Variants in EFCAB5 observed in about 807,000 individuals in gnomAD.
The protein encoded by EFCAB5 is EF-hand calcium-binding domain-containing protein 5.
EFCAB5 carries 131 observed loss-of-function variants against 167.9 expected under a neutral mutation model. The observed-to-expected ratio is 0.78, with a 90% confidence interval of 0.68 to 0.90. The LOEUF is 0.90. Ranked by LOEUF, EFCAB5 falls within the 40% of genes least tolerant of loss-of-function variation. The pLI is 0.00. For synonymous variants in EFCAB5, 574 were observed against 602.8 expected, an observed-to-expected ratio of 0.95 and a Z score of 0.70; for missense variants, 1,663 against 1,745.2, an observed-to-expected ratio of 0.95 and a Z score of 0.84.
chr17:30,063,562 C>T (rs1325330171), intron 14 of EFCAB5, among the ~76,000 whole-genome samples: 1 of 152,162 alleles, frequency 6.6e-6, no homozygotes, highest in Non-Finnish European at 1.5e-5. Flanking sequence ...CAGATCCTGT[C>T]TCTATGGGCA....
chr17:30,025,877 G>A (rs1227610852), intron 7 of EFCAB5, among the ~76,000 whole-genome samples: 3 of 152,084 alleles, frequency 2.0e-5, no homozygotes, highest in Non-Finnish European at 2.9e-5. Flanking sequence ...TAGGGACATG[G>A]ATGAAATTGG....
chr17:30,102,785 G>T (rs979001496), intron 22 of EFCAB5, among the ~76,000 whole-genome samples: 2 of 151,954 alleles, frequency 1.3e-5, no homozygotes, highest in African/African-American at 4.8e-5. Flanking sequence ...TTGAAAGACA[G>T]AAAGAAAGAA....
intron 4 of EFCAB5, among the ~76,000 whole-genome samples, chr17:29,992,505 AC>A (rs780704631): frequency 7.2e-5 from 11 of 151,866 alleles, no homozygotes; most frequent in Non-Finnish European, 1.3e-4. Flanking sequence ...ATGCCACCAC[AC>A]CCGGCTAATT....
At chr17:29,986,213 A>G (rs2068278760) in intron 4 of EFCAB5, among the ~76,000 whole-genome samples, 1 of 152,104 alleles carries the variant, frequency 6.6e-6, no homozygotes, top group African/African-American at 2.4e-5. Context: ...GTCCTTCTAG[A>G]CGTTTTTTAT....
At chr17:29,986,205 C>A (rs1009874075) in intron 4 of EFCAB5, among the ~76,000 whole-genome samples, 7 of 152,110 alleles carry the variant, frequency 4.6e-5, no homozygotes, top group African/African-American at 1.7e-4. Flanking sequence ...TGTAGAGTGT[C>A]CTTCTAGACG....
intron 7 of EFCAB5, among the ~76,000 whole-genome samples, chr17:30,011,760 T>C (rs1281404041): frequency 6.6e-6 from 1 of 151,902 alleles, no homozygotes; most frequent in Non-Finnish European, 1.5e-5. Context: ...AAACAGGGAC[T>C]ATTTGACTTC....
rs1036673733 is a variant in EFCAB5, at chr17:30,045,431, C to T, written c.1201-5687C>T. Reference sequence around the variant, plus strand: ...CAAGATCGTGCCACTAAACTCCAGCCTGGGCGACAGAGCTAGGCTCTGTCT... The same window carrying T: ...CAAGATCGTGCCACTAAACTCCAGCTTGGGCGACAGAGCTAGGCTCTGTCT... On this transcript the variant is annotated intron_variant, in intron 8 of 22. Transcript: ENST00000394835. 4.8e-5 allele frequency among the ~76,000 whole-genome samples: 7 copies of T among 144,700 alleles called. No individual in the cohort carries two copies. The Admixed American group carries it at 5.0e-4, about 10-fold the overall frequency. 94.9% of individuals were successfully genotyped at this position (144,700 alleles called of 152,430 possible).
rs1055513330 is a variant in EFCAB5 at position 30,078,622 on chromosome 17, A to G, written c.3027+118A>G. 5 of 1,244,292 alleles carry G rather than the reference A, an allele frequency of 4.0e-6. No homozygotes were observed. The Admixed American group carries it at 1.2e-4, about 30-fold the overall frequency. 77.1% of individuals were successfully genotyped at this position (1,244,292 alleles called of 1,614,324 possible). On this transcript the variant is annotated intron_variant, in intron 15 of 22. Coordinates refer to ENST00000394835, the MANE Select transcript of EFCAB5 (RefSeq NM_198529.4). ...GAAAAATCACTGGGTGCTGCTGTAG[A>G]TATTTTATTCATTCCAGTCCATTAC... is the stretch of plus-strand genomic sequence containing the variant.
intron 15 of EFCAB5, among the ~76,000 whole-genome samples, chr17:30,079,256 A>G (rs2070933185): frequency 6.6e-6 from 1 of 152,190 alleles, no homozygotes; most frequent in African/African-American, 2.4e-5. Context: ...AAGAAGAGGC[A>G]TTGTTCTAAC....
At chr17:29,965,480 A>G (rs1211956651) in intron 3 of EFCAB5, among the ~76,000 whole-genome samples, 1 of 152,150 alleles carries the variant, frequency 6.6e-6, no homozygotes, top group African/African-American at 2.4e-5. Flanking sequence ...AGAATGTGCC[A>G]TGTGCACTTG....
chr17:30,061,596 G>A (rs141897932), intron 14 of EFCAB5, among the ~76,000 whole-genome samples: 1 of 152,062 alleles, frequency 6.6e-6, no homozygotes, highest in African/African-American at 2.4e-5. Context: ...TTTTTTTAGA[G>A]ACAAGGTCTC....
intron 7 of EFCAB5, among the ~76,000 whole-genome samples, chr17:30,025,307 C>A (rs1430590030): frequency 6.6e-6 from 1 of 151,948 alleles, no homozygotes; most frequent in African/African-American, 2.4e-5. Context: ...ACAATGAACT[C>A]AAACAAATTT....
Position 30,054,006 on chromosome 17 carries a change from T to G in EFCAB5, c.2052T>G (p.Tyr684Ter), listed in dbSNP as rs745782278. Residue 684 changes from tyrosine to a stop codon, truncating the protein, a stop_gained, in exon 10 of 23, where the codon TAT becomes TAG. Coordinates refer to ENST00000394835, the MANE Select transcript of EFCAB5 (RefSeq NM_198529.4). LOFTEE classifies it high-confidence loss of function. ...ATAGTATCTTAAAAAGTACAAAATA[T>G]GGGGAACCTATAACCTCTGAGTACA... ...RKDSILKSTK[Y>*]GEPITSEYIE... The G allele has an allele frequency of 6.2e-7, 1 of 1,611,386 alleles. No homozygotes were observed. Among genetic ancestry groups the G allele is most frequent in the Admixed American group, 1.7e-5 (1 of 59,474 alleles).
rs188767911 is a variant in EFCAB5 at position 29,992,421 on chromosome 17, C to T, written c.768-744C>T. 2.6e-5 allele frequency among the ~76,000 whole-genome samples: 4 copies of T among 152,330 alleles called. No individual in the cohort carries two copies. In the East Asian group the frequency reaches 7.7e-4, roughly 29 times the overall value. On this transcript the variant is annotated intron_variant, in intron 4 of 22. Coordinates refer to ENST00000394835, the MANE Select transcript of EFCAB5 (RefSeq NM_198529.4). ...GGAGTGCAGTGGCGTGATCTTGGCT[C>T]ACTGCAAGCTCCACCTCCTGGGTTC...
chr17:30,088,096 C>G (rs557804358), intron 19 of EFCAB5, among the ~76,000 whole-genome samples: 2 of 152,116 alleles, frequency 1.3e-5, no homozygotes, highest in Non-Finnish European at 2.9e-5. Context: ...ATGTTGTCTG[C>G]CTGGGACATA....
intron 3 of EFCAB5, among the ~76,000 whole-genome samples, chr17:29,965,022 C>T (rs1033285121): frequency 4.8e-4 from 73 of 151,848 alleles, no homozygotes; most frequent in African/African-American, 1.6e-3. Context: ...CTGCCTCAGC[C>T]TGCCGAGTAG....
In EFCAB5 at chr17:29,942,220, T is replaced by C. The variant is rs765178630; in HGVS notation, c.43-20T>C. ...ACAGCTCTTTTTGGATGCCATTTAC[T>C]AACACTGTTTGCATTTCAGGAAAAC... is the stretch of plus-strand genomic sequence containing the variant. On this transcript the variant is annotated intron_variant, in intron 1 of 22. Transcript: ENST00000394835. The C allele has an allele frequency of 1.9e-6, 3 of 1,570,894 alleles. No individual in the cohort carries two copies. Among genetic ancestry groups the C allele is most frequent in the Non-Finnish European group, 1.7e-6 (2 of 1,158,258 alleles).
At chr17:30,032,455 G>A (rs2069502943) in intron 7 of EFCAB5, among the ~76,000 whole-genome samples, 1 of 152,160 alleles carries the variant, frequency 6.6e-6, no homozygotes. Flanking sequence ...TTGAAAAATA[G>A]ATACAAGAAG....
Position 30,056,152 on chromosome 17 carries a change from C to A in EFCAB5, c.2361C>A (p.Phe787Leu). Residue 787 changes from phenylalanine to leucine, a missense_variant, in exon 12 of 23, where the codon TTC becomes TTA. Physicochemically the swap from Phe to Leu is conservative, Grantham distance 22. Coordinates refer to ENST00000394835, the MANE Select transcript of EFCAB5 (RefSeq NM_198529.4). ...QANLIYGNSR[F>L]TDLHSIIRNI... ...ACTTAATCTATGGTAACTCCAGGTT[C>A]ACAGGTACATGTTAACAATGAAAGT... 1 of 1,607,216 alleles carries A rather than the reference C, an allele frequency of 6.2e-7. No homozygotes were observed. Among genetic ancestry groups the A allele is most frequent in the South Asian group, 1.1e-5 (1 of 89,788 alleles).
Sources: gnomAD v4.1 joint callset for allele counts (sites outside exome capture counted in the v4.1 genomes callset) on GRCh38, gnomAD v4.1.1 for gene constraint, MANE v1.5 for transcripts, NCBI Gene and HGNC (gene_info 2026-07-23, HGNC 2026-07-21) for gene names.